Variants in MYZAP observed in about 807,000 individuals in gnomAD.
MYZAP encodes the protein myocardial zonula adherens protein.
Under a neutral mutation model 69.4 loss-of-function variants are expected in MYZAP, and 66 were observed. The observed-to-expected ratio is 0.95, with a 90% CI of 0.78 to 1.17. The LOEUF is 1.17. Among genes scored for constraint, MYZAP ranks in the 50% most tolerant of loss-of-function variants. The pLI is 0.00. For synonymous variants in MYZAP, 256 were observed against 205.9 expected (o/e 1.24, Z -2.09); for missense variants, 611 against 556.2 (o/e 1.10, Z -0.99).
chr15:57,602,144 C>G (rs2034455022), intron 1 of MYZAP, among the ~76,000 whole-genome samples: 1 of 152,106 alleles, frequency 6.6e-6, no homozygotes, highest in Non-Finnish European at 1.5e-5. Flanking sequence ...TAAGAGGCCA[C>G]CCTGTGGACC....
intron 3 of MYZAP, among the ~76,000 whole-genome samples, chr15:57,618,719 A>G (rs1203377711): frequency 1.3e-4 from 20 of 152,236 alleles, no homozygotes; most frequent in Admixed American, 1.3e-3. Context: ...GAAGAAGAAA[A>G]TAAAATCACT....
chr15:57,599,452 A>G, intron 1 of MYZAP: 1 of 1,171,786 alleles, frequency 8.5e-7, no homozygotes, highest in Admixed American at 3.7e-5. Flanking sequence ...TGCTGAGTCC[A>G]GCTTCCTGCT....
At chr15:57,607,347 C>G (rs143228928) in intron 2 of MYZAP, among the ~76,000 whole-genome samples, 3 of 152,130 alleles carry the variant, frequency 2.0e-5, no homozygotes, top group African/African-American at 7.2e-5. Flanking sequence ...CAAGTAATCC[C>G]AAGGAAGGAG....
intron 2 of MYZAP, among the ~76,000 whole-genome samples, chr15:57,614,459 C>A (rs2035306066): frequency 6.6e-6 from 1 of 152,180 alleles, no homozygotes; most frequent in Admixed American, 6.5e-5. Context: ...CCTCAGGGGT[C>A]TGAAGGGTCA....
In MYZAP at chr15:57,618,039, G is replaced by C. The variant is rs778660333; in HGVS notation, c.169G>C (p.Asp57His). 5 of 1,611,978 alleles carry C rather than the reference G, an allele frequency of 3.1e-6. No individual in the cohort carries two copies. In the South Asian group the frequency reaches 4.4e-5, roughly 14 times the overall value. ...KKIERKEQLL[D>H]LSNGEPTRKL... ...TTTTCCTACTTTCTTTTAGCTTCTTGACCTGAGCAATGGAGAACCTACCAG... is the reference window on the plus strand; with the variant it reads ...TTTTCCTACTTTCTTTTAGCTTCTTCACCTGAGCAATGGAGAACCTACCAG... Residue 57 changes from aspartate (D) to histidine (H), a missense_variant, in exon 3 of 13, where the codon GAC (aspartate) becomes CAC (histidine). Transcript: ENST00000267853.
chr15:57,604,505 C>A, intron 2 of MYZAP, 150 bp downstream of exon 2: 1 of 775,262 alleles, frequency 1.3e-6, no homozygotes, highest in Non-Finnish European at 2.0e-6. Flanking sequence ...CCTCATCTCC[C>A]GTCTTCCCAG....
intron 11 of MYZAP, 26 bp from the exon 12 acceptor site, chr15:57,674,942 A>C: frequency 6.3e-7 from 1 of 1,594,788 alleles, no homozygotes; most frequent in South Asian, 1.1e-5. Context: ...TGACTTACTG[A>C]AAGTACCTTT....
intron 12 of MYZAP, among the ~76,000 whole-genome samples, chr15:57,678,744 G>A (rs1474585840): frequency 6.6e-6 from 1 of 152,130 alleles, no homozygotes; most frequent in Non-Finnish European, 1.5e-5. Context: ...CTGTAGGCAT[G>A]GGGCACTTGT....
At chr15:57,625,190 C>T (rs905802756) in intron 4 of MYZAP, among the ~76,000 whole-genome samples, 3 of 152,096 alleles carry the variant, frequency 2.0e-5, no homozygotes, top group Non-Finnish European at 4.4e-5. Flanking sequence ...TCGCCTGCCT[C>T]AGCCTTCCAC....
intron 2 of MYZAP, among the ~76,000 whole-genome samples, chr15:57,615,975 A>T (rs527810680): frequency 3.3e-5 from 5 of 152,332 alleles, no homozygotes; most frequent in African/African-American, 1.2e-4. Context: ...AACAAAAAAC[A>T]AGCAATATAG....
chr15:57,638,592 C>CA (rs1164239830), intron 9 of MYZAP, among the ~76,000 whole-genome samples: 1 of 152,188 alleles, frequency 6.6e-6, no homozygotes, highest in African/African-American at 2.4e-5. Flanking sequence ...ACTAGACCAC[C>CA]AGACCTTTCC....
At chr15:57,644,841 C>A (rs2037359282) in intron 10 of MYZAP, among the ~76,000 whole-genome samples, 1 of 152,072 alleles carries the variant, frequency 6.6e-6, no homozygotes, top group African/African-American at 2.4e-5. Flanking sequence ...CTATTTAGAC[C>A]CATCTAGAGA....
Position 57,629,714 on chromosome 15 carries a change from G to T in MYZAP, c.538G>T (p.Asp180Tyr), listed in dbSNP as rs148618731. ...DSIGLQKTLV[D>Y]VTLENSNIKD... ...TTCATCCTCACAGAAAACCCTCGTG[G>T]ATGTGACTTTGGAAAACAGCAACAT... Residue 180 changes from aspartate to tyrosine, a missense_variant, in exon 6 of 13, where the codon GAT becomes TAT. Transcript: ENST00000267853. 1 of 1,609,316 alleles carries T rather than the reference G, an allele frequency of 6.2e-7. No homozygotes were observed. Among genetic ancestry groups the T allele is most frequent in the East Asian group, 2.2e-5 (1 of 44,820 alleles).
chr15:57,621,977 C>G (rs1468220898), intron 4 of MYZAP, among the ~76,000 whole-genome samples: 3 of 152,118 alleles, frequency 2.0e-5, no homozygotes, highest in African/African-American at 7.2e-5. Context: ...TAACATTGTT[C>G]TTCACATACT....
At chr15:57,680,035 C>T (rs957820131) in intron 12 of MYZAP, among the ~76,000 whole-genome samples, 49 of 152,292 alleles carry the variant, frequency 3.2e-4, no homozygotes, top group Admixed American at 2.9e-3. Context: ...CCTTGATTCT[C>T]ATCTTGAAAA....
intron 11 of MYZAP, among the ~76,000 whole-genome samples, chr15:57,666,917 T>C (rs1047488834): frequency 6.6e-6 from 1 of 152,236 alleles, no homozygotes; most frequent in African/African-American, 2.4e-5. Flanking sequence ...GCTCAACTTC[T>C]GGAGAAGAAG....
At position 57,684,411 on chromosome 15, in the gene MYZAP, C is replaced by G. The variant is rs752771913; in HGVS notation, c.1314C>G (p.Gly438=). The G allele has an allele frequency of 6.2e-7, 1 of 1,612,060 alleles. No homozygotes were observed. Among genetic ancestry groups the G allele is most frequent in the East Asian group, 2.2e-5 (1 of 44,872 alleles). ...TTTTCTCATTTCTCAGCCAAACAGG[C>G]AGGACTCGTGAAATTGTGATGCCTT... The part of the protein sequence containing the change: ...VGCDLLPSQT[G]RTREIVMPSR... The change falls in exon 13 of 13, where the codon GGC becomes GGG. Residue 438 remains glycine, a synonymous_variant. Transcript: ENST00000267853.
At chr15:57,600,873 G>A (rs1409912826) in intron 1 of MYZAP, among the ~76,000 whole-genome samples, 2 of 152,124 alleles carry the variant, frequency 1.3e-5, no homozygotes, top group East Asian at 1.9e-4. Context: ...GAGCCCAGGT[G>A]TCTAAGACCC....
At chr15:57,595,822 ATTTC>A (rs2034022759) in intron 1 of MYZAP, among the ~76,000 whole-genome samples, 1 of 152,052 alleles carries the variant, frequency 6.6e-6, no homozygotes, top group Non-Finnish European at 1.5e-5. Context: ...CCTTGCTGAT[ATTTC>A]TTTCTATTTG....
Sources: gnomAD v4.1 joint callset for allele counts (sites outside exome capture counted in the v4.1 genomes callset) on GRCh38, gnomAD v4.1.1 for gene constraint, MANE v1.5 for transcripts, NCBI Gene and HGNC (gene_info 2026-07-23, HGNC 2026-07-21) for gene names.